The following IGF2BP1 variants were observed in gnomAD, a reference collection of about 807,000 sequenced individuals.
IGF2BP1 encodes insulin-like growth factor 2 mRNA-binding protein 1.
Under a neutral mutation model 74.9 loss-of-function variants are expected in IGF2BP1, and 11 were observed. The ratio of observed to expected loss-of-function variants is 0.15; its 90% CI spans 0.09 to 0.24. IGF2BP1 has a LOEUF of 0.24. IGF2BP1 is among the 10% of genes least tolerant of loss of function. IGF2BP1 has a pLI of 1.00. For missense variants in IGF2BP1, 440 were observed against 757.4 expected (o/e 0.58, Z 4.92); for synonymous variants, 287 against 281.8 (o/e 1.02, Z -0.18).
rs1310364129 is a variant in IGF2BP1 at position 49,026,631 on chromosome 17, TCCTGCCTTCCTTCCTG to T, written c.337+126_337+141del. On this transcript the variant is annotated intron_variant, in intron 4 of 14. Transcript: ENST00000290341. ...TTTCTCCCTTCCTTCCTTCCTTCCT[TCCTGCCTTCCTTCCTG>T]CCTGCCTTCCTGCCTTCCTGCCTTC... 3.7e-5 allele frequency: 16 copies of T among 429,962 alleles called. No individual in the cohort carries two copies. In the African/African-American group the frequency reaches 6.7e-4, roughly 18 times the overall value. 26.6% of individuals were successfully genotyped at this position (429,962 alleles called of 1,614,324 possible).
chr17:49,002,530 CACTTTT>C (rs912868308), intron 2 of IGF2BP1, among the ~76,000 whole-genome samples: 1 of 152,000 alleles, frequency 6.6e-6, no homozygotes, highest in Non-Finnish European at 1.5e-5. Context: ...GGTTTTCAGG[CACTTTT>C]ACTTTAATGG....
chr17:49,038,325 G>T lies in IGF2BP1; in HGVS notation c.559G>T (p.Ala187Ser). 6.2e-7 allele frequency: 1 copy of T among 1,605,914 alleles called. No individual in the cohort carries two copies. Among genetic ancestry groups the T allele is most frequent in the South Asian group, 1.1e-5 (1 of 89,014 alleles). ...PRQGSPVAAG[A>S]PAKQQQVDIP... ...CCAGGGCTCACCTGTGGCAGCGGGGGCCCCAGCCAAGCAGCAGCAAGTGGA... is the reference window on the plus strand; with the variant it reads ...CCAGGGCTCACCTGTGGCAGCGGGGTCCCCAGCCAAGCAGCAGCAAGTGGA... The change falls in exon 6 of 15, where the codon GCC becomes TCC. Residue 187 changes from alanine to serine, a missense_variant. Physicochemically the swap from Ala to Ser is moderately conservative, Grantham distance 99. Coordinates refer to ENST00000290341, the MANE Select transcript of IGF2BP1 (RefSeq NM_006546.4).
chr17:49,030,141 CTTTTT>C (rs35530909), intron 4 of IGF2BP1, among the ~76,000 whole-genome samples: 4 of 120,796 alleles, frequency 3.3e-5, no homozygotes, highest in African/African-American at 6.6e-5. Context: ...TTTAGCTGGA[CTTTTT>C]TTTTTTTTTT....
Position 49,001,561 on chromosome 17 carries a change from T to C in IGF2BP1, c.236+2392T>C, listed in dbSNP as rs183489734. Among the ~76,000 whole-genome samples the C allele has an allele frequency of 8.0e-4, 122 of 152,316 alleles. 2 individuals carry two copies. The South Asian group carries it at 0.018, about 22-fold the overall frequency. On this transcript the variant is annotated intron_variant, in intron 2 of 14. Coordinates refer to ENST00000290341, the MANE Select transcript of IGF2BP1 (RefSeq NM_006546.4). ...TTAGTTTGAATTTATTTGATACATA[T>C]AATTTGTACCTTTTTAAGAACTCAA...
chr17:49,045,714 AAT>A (rs772446870), intron 12 of IGF2BP1, among the ~76,000 whole-genome samples, 174 bp from the exon 13 acceptor site: 5 of 152,214 alleles, frequency 3.3e-5, no homozygotes, highest in Non-Finnish European at 7.3e-5. Flanking sequence ...AAGCAGAAGG[AAT>A]GCTGACAAGC....
intron 2 of IGF2BP1, among the ~76,000 whole-genome samples, chr17:49,016,187 T>C (rs547959838): frequency 6.6e-6 from 1 of 152,248 alleles, no homozygotes; most frequent in East Asian, 1.9e-4. Context: ...CAGTGGAGTT[T>C]GGTGCAGTGA....
At chr17:49,016,817 GC>G (rs1209228030) in intron 2 of IGF2BP1, among the ~76,000 whole-genome samples, 1 of 23,592 alleles carries the variant, frequency 4.2e-5, no homozygotes, top group Non-Finnish European at 8.4e-5. Context: ...CTGTCCTCCT[GC>G]CCCCCCGCCT....
intron 2 of IGF2BP1, among the ~76,000 whole-genome samples, chr17:49,000,624 G>T (rs1374219906): frequency 6.6e-6 from 1 of 152,156 alleles, no homozygotes; most frequent in Non-Finnish European, 1.5e-5. Context: ...ATGGATATTT[G>T]AACTGAAAGC....
rs1440173490 is a variant in IGF2BP1, at chr17:49,049,573, C to T, written c.*129C>T. On this transcript the variant is annotated 3_prime_UTR_variant, in exon 15 of 15. Transcript: ENST00000290341. Reference sequence around the variant, plus strand: ...GGCCGGGCTGTAGATCAGGTTTGCCCACTTGATTGAGAAAGATGTTCCAGT... The same window carrying T: ...GGCCGGGCTGTAGATCAGGTTTGCCTACTTGATTGAGAAAGATGTTCCAGT... The T allele has an allele frequency of 1.7e-5, 12 of 716,482 alleles. No homozygotes were observed. The highest frequency in any genetic ancestry group is 2.6e-5 in the Non-Finnish European group (11 of 426,174). 44.4% of individuals were successfully genotyped at this position (716,482 alleles called of 1,614,324 possible).
intron 2 of IGF2BP1, among the ~76,000 whole-genome samples, chr17:49,009,586 G>A (rs760182956): frequency 6.6e-6 from 1 of 151,646 alleles, no homozygotes; most frequent in African/African-American, 2.4e-5. Context: ...GTGCATGCCT[G>A]TAATCCCAGC....
chr17:49,015,696 G>A (rs992777880), intron 2 of IGF2BP1, among the ~76,000 whole-genome samples: 1 of 152,212 alleles, frequency 6.6e-6, no homozygotes, highest in African/African-American at 2.4e-5. Flanking sequence ...TCAAGGTCGG[G>A]GGAGAGGGTG....
intron 14 of IGF2BP1, among the ~76,000 whole-genome samples, chr17:49,046,774 T>C (rs138868989): frequency 6.2e-4 from 95 of 152,206 alleles, no homozygotes; most frequent in African/African-American, 2.2e-3. Flanking sequence ...ACTAACACCC[T>C]GGATTGATGG....
chr17:49,050,754 G>A lies in IGF2BP1; in HGVS notation c.*1310G>A, dbSNP rs1183055578. ...ATACCAGCAGCATTGTACAGCAAGG[G>A]GTAAATAAGCTTAATTTATTAATTT... On this transcript the variant is annotated 3_prime_UTR_variant, in exon 15 of 15. Transcript: ENST00000290341. The A allele has an allele frequency of 6.6e-6, 1 of 152,456 alleles. No individual in the cohort carries two copies. Among genetic ancestry groups the A allele is most frequent in the Non-Finnish European group, 1.5e-5 (1 of 68,024 alleles). The allele number at this position is 152,456 out of a possible 1,614,324, so 9.4% of individuals were successfully genotyped here.
chr17:49,041,365 T>G lies in IGF2BP1; in HGVS notation c.819-13T>G. 6.2e-7 allele frequency: 1 copy of G among 1,613,656 alleles called. No homozygotes were observed. Among genetic ancestry groups the G allele is most frequent in the Non-Finnish European group, 8.5e-7 (1 of 1,179,840 alleles). ...GAACTCTTGTCTTCCACTTCTTCCTTTGTCTTCCCAAGGGCTGACGAGGTT... is the reference window on the plus strand; with the variant it reads ...GAACTCTTGTCTTCCACTTCTTCCTGTGTCTTCCCAAGGGCTGACGAGGTT... On this transcript the variant is annotated splice_polypyrimidine_tract_variant and intron_variant, in intron 7 of 14. Transcript: ENST00000290341.
rs2041845605 is a variant in IGF2BP1, at chr17:49,025,794, CCTTT to C, written c.285+137_285+140del. 1.9e-5 allele frequency: 12 copies of C among 629,142 alleles called. 2 individuals are homozygous for C. The South Asian group carries it at 2.8e-4, about 15-fold the overall frequency. The allele number at this position is 629,142 out of a possible 1,614,324, so 39.0% of individuals were successfully genotyped here. ...CAGGCTAGGGAGGCCTGGGTCTCAT[CCTTT>C]CTTTCTTTTTTTCTTTTTGAGTCTC... On this transcript the variant is annotated intron_variant, in intron 3 of 14. Coordinates refer to ENST00000290341, the MANE Select transcript of IGF2BP1 (RefSeq NM_006546.4).
chr17:49,043,512 A>G lies in IGF2BP1; in HGVS notation c.1162A>G (p.Ser388Gly). ...ASSSAVPPPP[S>G]SVTGAAPYSS... ...ATCCAGCGCAGTCCCGCCGCCTCCC[A>G]GCAGCGTTACTGGGGCTGCTCCCTA... Residue 388 changes from serine to glycine, a missense_variant, in exon 10 of 15, where the codon AGC becomes GGC. By Grantham distance (56) the Ser-to-Gly change is moderately conservative. This residue lies in a region of IGF2BP1 where 31 missense variants were observed against 27.0 expected (regional missense o/e 1.15). Coordinates refer to ENST00000290341, the MANE Select transcript of IGF2BP1 (RefSeq NM_006546.4). 3 of 1,614,074 alleles carry G rather than the reference A, an allele frequency of 1.9e-6. No individual in the cohort carries two copies. The South Asian group carries it at 3.3e-5, about 18-fold the overall frequency.
chr17:49,030,643 T>G (rs1006743463), intron 4 of IGF2BP1, among the ~76,000 whole-genome samples: 9 of 152,018 alleles, frequency 5.9e-5, no homozygotes, highest in African/African-American at 2.2e-4. Context: ...TTTTCTTTTT[T>G]GAGACAGAGT....
chr17:49,030,421 C>T (rs368010130), intron 4 of IGF2BP1, among the ~76,000 whole-genome samples: 62 of 152,112 alleles, frequency 4.1e-4, no homozygotes, highest in East Asian at 3.5e-3. Flanking sequence ...GGATTACAGG[C>T]GTGAGCCACT....
chr17:49,005,163 CAA>C (rs1470011267), intron 2 of IGF2BP1, among the ~76,000 whole-genome samples: 2 of 152,214 alleles, frequency 1.3e-5, no homozygotes, highest in African/African-American at 4.8e-5. Context: ...CAGGCTGGAA[CAA>C]ACTTTTGCTC....
Sources: allele counts gnomAD v4.1 joint callset (sites outside exome capture counted in the v4.1 genomes callset), GRCh38; gene constraint gnomAD v4.1.1; regional missense constraint gnomAD v4.1.1; transcripts MANE v1.5; gene names NCBI Gene and HGNC (gene_info 2026-07-23, HGNC 2026-07-21).